ST6GALNAC6: variants seen among roughly 807,000 people sequenced by gnomAD.
ST6GALNAC6 encodes alpha-N-acetylgalactosaminide alpha-2,6-sialyltransferase 6.
In ST6GALNAC6, 19 loss-of-function variants were observed where a neutral mutation model predicts 34.3. The ratio of observed to expected loss-of-function variants is 0.55; its 90% confidence interval spans 0.39 to 0.81. ST6GALNAC6 has a LOEUF of 0.81. ST6GALNAC6 is among the 40% of genes least tolerant of loss of function. ST6GALNAC6 has a pLI of 0.00. For missense variants in ST6GALNAC6, 377 were observed against 467.7 expected (o/e 0.81, Z 1.79); for synonymous variants, 185 against 182.1 (o/e 1.02, Z -0.13).
chr9:127,906,029 C>T (rs538108882), upstream of ST6GALNAC6: 13 of 985,630 alleles, frequency 1.3e-5, no homozygotes, highest in African/African-American at 1.9e-4. Context: ...CTCCTCCCCC[C>T]TCCCATTCCT....
intron 6 of ST6GALNAC6, 54 bp downstream of exon 6, chr9:127,887,430 C>G (rs1048663758): frequency 2.0e-6 from 3 of 1,482,904 alleles, no homozygotes; most frequent in Non-Finnish European, 2.8e-6. Context: ...GAGCTCCATC[C>G]TGCGGCCAGT....
At chr9:127,902,777 G>A (rs554633722), upstream of ST6GALNAC6, among the ~76,000 whole-genome samples, 14 of 150,268 alleles carry the variant, frequency 9.3e-5, no homozygotes, top group African/African-American at 2.7e-4. Flanking sequence ...TAGTAGAAAC[G>A]AGGTTTCACC....
intron 4 of ST6GALNAC6, among the ~76,000 whole-genome samples, chr9:127,891,727 AGGGGAG>A (rs1019171043): frequency 1.4e-4 from 17 of 121,676 alleles, no homozygotes; most frequent in Admixed American, 6.5e-4. Context: ...GAGAGGGAGA[AGGGGAG>A]GGGGAGGGGG....
chr9:127,897,929 A>T (rs1830570600), intron 2 of ST6GALNAC6, 27 bp downstream of exon 2: 2 of 1,613,494 alleles, frequency 1.2e-6, no homozygotes, highest in Non-Finnish European at 1.7e-6. Flanking sequence ...GTCAGCTGCC[A>T]GTGCGAATCC....
In ST6GALNAC6 at chr9:127,886,438, C is replaced by G; in HGVS notation, c.*161G>C. ...AAATCCCTGATTCGCCAACAGATTCCCCAGGCCCTGATTGGCTGGAGGATA... is the reference window on the plus strand; with the variant it reads ...AAATCCCTGATTCGCCAACAGATTCGCCAGGCCCTGATTGGCTGGAGGATA... On this transcript the variant is annotated 3_prime_UTR_variant, in exon 7 of 7. Transcript: ENST00000373146. 3 of 1,443,786 alleles carry G rather than the reference C, an allele frequency of 2.1e-6. No individual in the cohort carries two copies. The highest frequency in any genetic ancestry group is 2.7e-6 in the Non-Finnish European group (3 of 1,100,334). The allele number at this position is 1,443,786 out of a possible 1,614,324, so 89.4% of individuals were successfully genotyped here. A position where few individuals can be genotyped will look rare whatever the true frequency, so the allele number is the denominator to read the frequency against.
In ST6GALNAC6 at chr9:127,886,586, C is replaced by A; in HGVS notation, c.*13G>T. The A allele has an allele frequency of 6.2e-7, 1 of 1,613,464 alleles. No homozygotes were observed. The highest frequency in any genetic ancestry group is 8.5e-7 in the Non-Finnish European group (1 of 1,179,672). ...CTCCTCTGACCCTCCTGAGGTCCCA[C>A]AGGCTGGGTGGCCTAGGTCCAGGAG... is the stretch of plus-strand genomic sequence containing the variant. On this transcript the variant is annotated 3_prime_UTR_variant, in exon 7 of 7. Transcript: ENST00000373146.
In ST6GALNAC6 at chr9:127,890,888, G is replaced by C. The variant is rs368302466; in HGVS notation, c.453C>G (p.Thr151=). ...TGYSADVGNK[T]TYRVVAHSSV... ...TGGAATGGGCCACGACGCGGTAGGT[G>C]GTCTTGTTGCCCACATCAGCTGAGT... The change falls in exon 5 of 7, where the codon ACC becomes ACG. Residue 151 remains threonine, a synonymous_variant. Transcript: ENST00000373146. This position sits in a 1 kb window ranked among gnomAD's most constrained non-coding sequence, Gnocchi z 4.3. 69 of 1,614,066 alleles carry C rather than the reference G, an allele frequency of 4.3e-5. No homozygotes were observed. Among genetic ancestry groups the C allele is most frequent in the Admixed American group, 8.3e-5 (5 of 60,010 alleles).
chr9:127,887,103 A>G (rs930203741), intron 6 of ST6GALNAC6, among the ~76,000 whole-genome samples: 4 of 152,028 alleles, frequency 2.6e-5, no homozygotes, highest in Non-Finnish European at 4.4e-5. Flanking sequence ...CTCATAAAAC[A>G]TACTCCTCAG....
At chr9:127,893,352 A>G (rs940298329) in intron 4 of ST6GALNAC6, among the ~76,000 whole-genome samples, 1 of 152,244 alleles carries the variant, frequency 6.6e-6, no homozygotes, top group Non-Finnish European at 1.5e-5. Flanking sequence ...CACAGCACCC[A>G]GAAACAAGAA....
chr9:127,894,760 C>A, intron 3 of ST6GALNAC6, 69 bp from the exon 4 acceptor site: 2 of 1,554,352 alleles, frequency 1.3e-6, no homozygotes, highest in Non-Finnish European at 1.8e-6. Flanking sequence ...TCCTTGCCAC[C>A]TACCATGCCT....
At chr9:127,896,156 C>T in intron 3 of ST6GALNAC6, 86 bp downstream of exon 3, 1 of 1,454,962 alleles carries the variant, frequency 6.9e-7, no homozygotes, top group Non-Finnish European at 9.6e-7. Context: ...CTCGTGGTGG[C>T]TGGGGTCTGA....
chr9:127,901,243 A>T (rs1217530063), upstream of ST6GALNAC6, among the ~76,000 whole-genome samples: 1 of 152,220 alleles, frequency 6.6e-6, no homozygotes, highest in Non-Finnish European at 1.5e-5. Flanking sequence ...AATTACATGG[A>T]TGAATCTTAG....
upstream of ST6GALNAC6, among the ~76,000 whole-genome samples, chr9:127,900,928 G>A (rs1217846940): frequency 2.9e-5 from 4 of 140,254 alleles, no homozygotes; most frequent in East Asian, 8.9e-4. Context: ...AGATTGCAGT[G>A]AGCCGAGATC....
intron 5 of ST6GALNAC6, among the ~76,000 whole-genome samples, chr9:127,888,526 A>T (rs1487816909): frequency 7.3e-6 from 1 of 137,046 alleles, no homozygotes. Context: ...AAAAAAAAAT[A>T]GGCCGGGCGC....
upstream of ST6GALNAC6, among the ~76,000 whole-genome samples, chr9:127,902,047 ATATTTTTATG>A (rs1335357855): frequency 6.6e-6 from 1 of 152,226 alleles, no homozygotes; most frequent in Non-Finnish European, 1.5e-5. Context: ...GAGGTTCATG[ATATTTTTATG>A]CTTTATCACT....
At chr9:127,899,465 CCG>C in intron 1 of ST6GALNAC6, 36 bp downstream of exon 1, 1 of 932,938 alleles carries the variant, frequency 1.1e-6, no homozygotes, top group Non-Finnish European at 1.3e-6. Context: ...GCCTCCGCCC[CCG>C]CCCCCGCGGC....
At chr9:127,894,746 C>T (rs1361045680) in intron 3 of ST6GALNAC6, 55 bp from the exon 4 acceptor site, 2 of 1,264,374 alleles carry the variant, frequency 1.6e-6, no homozygotes, top group Non-Finnish European at 2.3e-6. Flanking sequence ...TCAGCGCCCC[C>T]ACCTCCTTGC....
Position 127,894,568 on chromosome 9 carries a change from C to G in ST6GALNAC6, c.241G>C (p.Val81Leu). 6.2e-7 allele frequency: 1 copy of G among 1,614,160 alleles called. No individual in the cohort carries two copies. Among genetic ancestry groups the G allele is most frequent in the Non-Finnish European group, 8.5e-7 (1 of 1,180,038 alleles). ...GTGATGCTCCACTTCTTGAGGTTGA[C>G]AGGTCGGCGGCTACGGCCCCGCAGG... The part of the protein sequence containing the change: ...GSLRGRSRRP[V>L]NLKKWSITDG... Residue 81 changes from valine to leucine, a missense_variant, in exon 4 of 7, where the codon GTC becomes CTC. Transcript: ENST00000373146.
intron 1 of ST6GALNAC6, 114 bp downstream of exon 1, chr9:127,899,389 C>G: frequency 1.7e-6 from 1 of 583,970 alleles, no homozygotes; most frequent in Non-Finnish European, 2.2e-6. Flanking sequence ...CGCCGGGGGA[C>G]CCGCATCCAT....
Sources: allele counts gnomAD v4.1 joint callset (sites outside exome capture counted in the v4.1 genomes callset), GRCh38; gene constraint gnomAD v4.1.1; non-coding constraint Gnocchi (gnomAD v3.1); transcripts MANE v1.5; gene names NCBI Gene and HGNC (gene_info 2026-07-23, HGNC 2026-07-21).